RSF1: variants seen among roughly 807,000 people sequenced by gnomAD.
The protein encoded by RSF1 is HBV pX-associated protein 8.
Under a neutral mutation model 145.2 loss-of-function variants are expected in RSF1, and 13 were observed. That is an observed-to-expected ratio of 0.09 (90% CI 0.06 to 0.14). The LOEUF is 0.14. RSF1 is among the 10% of genes least tolerant of loss of function. The pLI, the probability that RSF1 is intolerant of heterozygous loss-of-function variation, is 1.00. For synonymous variants in RSF1, 577 were observed against 592.6 expected (o/e 0.97, Z 0.38); for missense variants, 1,517 against 1,718.2 (o/e 0.88, Z 2.07).
rs1201969030 is a variant in RSF1, at chr11:77,664,343, G to A, written c.*2574C>T. On this transcript the variant is annotated 3_prime_UTR_variant, in exon 16 of 16. Transcript: ENST00000308488. ...GAAGGGGTACATTCACTATCAAGTT[G>A]ACGAACACTTATTCAAGTTTGGTAA... The A allele has an allele frequency of 6.6e-6, 1 of 152,108 alleles. No homozygotes were observed. Among genetic ancestry groups the A allele is most frequent in the Non-Finnish European group, 1.5e-5 (1 of 68,008 alleles). 9.4% of individuals were successfully genotyped at this position (152,108 alleles called of 1,614,324 possible).
chr11:77,690,407 T>G (rs1274295675), intron 9 of RSF1, among the ~76,000 whole-genome samples: 1 of 152,190 alleles, frequency 6.6e-6, no homozygotes, highest in Non-Finnish European at 1.5e-5. Context: ...TCCACAATAT[T>G]TGGGCCAATA....
intron 5 of RSF1, among the ~76,000 whole-genome samples, chr11:77,715,420 C>T (rs1372676729): frequency 6.6e-6 from 1 of 152,086 alleles, no homozygotes; most frequent in Non-Finnish European, 1.5e-5. Context: ...TCTCCCTATA[C>T]TTGTTTAAAG....
Position 77,737,441 on chromosome 11 carries a change from C to T in RSF1, c.578+3290G>A, listed in dbSNP as rs113661423. Reference sequence around the variant, plus strand: ...CCACACTGCAGCCTGGGCAACAAAGCGAGATCCTGTCTCAAAAAAAAAAAA... The same window carrying T: ...CCACACTGCAGCCTGGGCAACAAAGTGAGATCCTGTCTCAAAAAAAAAAAA... On this transcript the variant is annotated intron_variant, in intron 4 of 15. Coordinates refer to ENST00000308488, the MANE Select transcript of RSF1 (RefSeq NM_016578.4). 2.3e-3 allele frequency among the ~76,000 whole-genome samples: 352 copies of T among 149,990 alleles called. 1 individual carries two copies. Among genetic ancestry groups the T allele is most frequent in the African/African-American group, 7.6e-3 (309 of 40,568 alleles).
chr11:77,683,588 G>GC, intron 11 of RSF1, 122 bp downstream of exon 11: 1 of 560,058 alleles, frequency 1.8e-6, no homozygotes, highest in East Asian at 3.1e-5. Context: ...AAGATGGAAG[G>GC]CAAGAAATAT....
chr11:77,788,908 T>A (rs1948488482), intron 1 of RSF1, among the ~76,000 whole-genome samples: 1 of 152,120 alleles, frequency 6.6e-6, no homozygotes, highest in South Asian at 2.1e-4. Context: ...AAGAGAGGCA[T>A]GTGGCCATAG....
chr11:77,768,406 C>T (rs1288629527), intron 1 of RSF1, among the ~76,000 whole-genome samples: 2 of 152,030 alleles, frequency 1.3e-5, no homozygotes, highest in African/African-American at 2.4e-5. Flanking sequence ...CATGATCTCC[C>T]GCCTCGGCCT....
chr11:77,687,058 A>C (rs1960028471), intron 9 of RSF1, among the ~76,000 whole-genome samples: 2 of 152,224 alleles, frequency 1.3e-5, no homozygotes, highest in African/African-American at 4.8e-5. Context: ...AGTGAATATA[A>C]GTGCTTACTT....
At chr11:77,760,931 G>C (rs1440755494) in intron 2 of RSF1, among the ~76,000 whole-genome samples, 1 of 149,808 alleles carries the variant, frequency 6.7e-6, no homozygotes, top group Middle Eastern at 3.4e-3. Flanking sequence ...TTTTTTTTCT[G>C]AAACGGAGTC....
chr11:77,770,278 C>T (rs1390952715), intron 1 of RSF1, among the ~76,000 whole-genome samples: 2 of 152,110 alleles, frequency 1.3e-5, no homozygotes, highest in African/African-American at 2.4e-5. Context: ...CTGGCTAACA[C>T]GGTAAAACCC....
intron 1 of RSF1, among the ~76,000 whole-genome samples, chr11:77,770,770 C>G (rs1948274477): frequency 6.6e-6 from 1 of 152,076 alleles, no homozygotes; most frequent in African/African-American, 2.4e-5. Flanking sequence ...GTGATAAGAC[C>G]AGCAATCCAG....
intron 15 of RSF1, 29 bp from the exon 16 acceptor site, chr11:77,667,520 G>C: frequency 1.9e-6 from 3 of 1,569,804 alleles, no homozygotes; most frequent in African/African-American, 1.3e-5. Flanking sequence ...TTAAGCCATT[G>C]GCACGGTTAA....
chr11:77,729,453 CATT>C (rs546539100), intron 4 of RSF1, among the ~76,000 whole-genome samples: 182 of 152,034 alleles, frequency 1.2e-3, no homozygotes, highest in African/African-American at 4.1e-3. Flanking sequence ...TCATCCTAAC[CATT>C]ATTATTGTGA....
At chr11:77,820,228 G>A (rs1590908490) in intron 1 of RSF1, among the ~76,000 whole-genome samples, 1 of 152,132 alleles carries the variant, frequency 6.6e-6, no homozygotes, top group African/African-American at 2.4e-5. Flanking sequence ...CGGAGAAGCA[G>A]TCCCCGGGGC....
chr11:77,830,910 G>A, the RSF1 span, among the ~76,000 whole-genome samples: 1 of 151,084 alleles, frequency 6.6e-6, no homozygotes, highest in Non-Finnish European at 1.5e-5. Context: ...GGAGACTGAG[G>A]TGGGAGAATT....
At chr11:77,783,717 C>CAG (rs1948427334) in intron 1 of RSF1, among the ~76,000 whole-genome samples, 2 of 151,944 alleles carry the variant, frequency 1.3e-5, no homozygotes, top group African/African-American at 4.8e-5. Flanking sequence ...TGGTGTGCGT[C>CAG]AGGAGTCCCA....
rs1288606773 is a variant in RSF1 at position 77,678,943 on chromosome 11, C to A, written c.3066-790G>T. 2.6e-5 allele frequency among the ~76,000 whole-genome samples: 4 copies of A among 152,168 alleles called. No individual in the cohort carries two copies. The East Asian group carries it at 7.7e-4, about 29-fold the overall frequency. On this transcript the variant is annotated intron_variant, in intron 11 of 15. Transcript: ENST00000308488. ...TAAATTTCTGTTGATTATAGGCTAT[C>A]CAGTTTACGGTTACTTTCTGATAGC...
At chr11:77,756,374 A>G (rs1948116470) in intron 2 of RSF1, among the ~76,000 whole-genome samples, 2 of 152,000 alleles carry the variant, frequency 1.3e-5, no homozygotes, top group Admixed American at 6.6e-5. Flanking sequence ...AAAAAAAAAA[A>G]AAGAAAAACT....
Position 77,672,032 on chromosome 11 carries a change from T to C in RSF1, c.3751+10A>G. On this transcript the variant is annotated intron_variant, in intron 15 of 15. Transcript: ENST00000308488. The stretch of plus-strand genomic sequence containing the variant: ...TCCAAACTTCTATATATAGGAGACC[T>C]ATGCCTTACCTTCACTCTCTGAGCT... 1 of 1,605,946 alleles carries C rather than the reference T, an allele frequency of 6.2e-7. No individual in the cohort carries two copies. Among genetic ancestry groups the C allele is most frequent in the Non-Finnish European group, 8.5e-7 (1 of 1,177,596 alleles).
In RSF1 at chr11:77,701,135, C is replaced by T; in HGVS notation, c.2094G>A (p.Lys698=). 6.2e-7 allele frequency: 1 copy of T among 1,613,924 alleles called. No homozygotes were observed. Among genetic ancestry groups the T allele is most frequent in the Non-Finnish European group, 8.5e-7 (1 of 1,179,994 alleles). ...TGAATTTGCTTTTTTGCATAGAACC[C>T]TTTGTCTCAGAAGGCTCCTCTATGC... ...TSGIEEPSET[K]GSMQKSKFKY... The change falls in exon 6 of 16, where the codon AAG becomes AAA. Residue 698 remains lysine (K), a synonymous_variant. Transcript: ENST00000308488.
Sources: allele counts gnomAD v4.1 joint callset (sites outside exome capture counted in the v4.1 genomes callset), GRCh38; gene constraint gnomAD v4.1.1; transcripts MANE v1.5; gene names NCBI Gene and HGNC (gene_info 2026-07-23, HGNC 2026-07-21).